Variants in POPDC1 observed in about 807,000 individuals in gnomAD.
POPDC1 encodes popeye domain-containing protein 1.
the POPDC1 span, among the ~76,000 whole-genome samples, chr6:105,103,882 G>T: frequency 6.6e-6 from 1 of 152,078 alleles, no homozygotes; most frequent in South Asian, 2.1e-4. Context: ...CAACACAAAT[G>T]GAAATGGTTA....
At chr6:105,116,993 A>T in the POPDC1 span, 1 of 971,046 alleles carries the variant, frequency 1.0e-6, no homozygotes, top group Non-Finnish European at 1.5e-6. Flanking sequence ...TCAAATTATA[A>T]AAAAAAGGAG....
chr6:105,099,379 A>G, the POPDC1 span: 1 of 152,238 alleles, frequency 6.6e-6, no homozygotes. Context: ...CCTCATGGTA[A>G]GAGTTGCTTC....
the POPDC1 span, among the ~76,000 whole-genome samples, chr6:105,112,452 A>T: frequency 6.7e-6 from 1 of 148,548 alleles, no homozygotes; most frequent in Non-Finnish European, 1.5e-5. Context: ...AGGTATATTT[A>T]ATTTGGTATG....
At chr6:105,107,594 C>T in the POPDC1 span, among the ~76,000 whole-genome samples, 1 of 152,308 alleles carries the variant, frequency 6.6e-6, no homozygotes, top group African/African-American at 2.4e-5. Flanking sequence ...AAAGGAGCAA[C>T]ATTTCTGTAA....
the POPDC1 span, among the ~76,000 whole-genome samples, chr6:105,106,119 C>T: frequency 6.6e-6 from 1 of 152,130 alleles, no homozygotes; most frequent in Non-Finnish European, 1.5e-5. Flanking sequence ...AATCACCTTC[C>T]ACCTACCAGT....
chr6:105,097,819 T>G, the POPDC1 span: 1 of 152,124 alleles, frequency 6.6e-6, no homozygotes, highest in Non-Finnish European at 1.5e-5. Flanking sequence ...TAGGGAGAAA[T>G]GGAGAAGATT....
At chr6:105,124,005 A>T in the POPDC1 span, among the ~76,000 whole-genome samples, 1 of 152,220 alleles carries the variant, frequency 6.6e-6, no homozygotes, top group East Asian at 1.9e-4. Flanking sequence ...AGCAAAAAAA[A>T]ATTCAAAAAG....
the POPDC1 span, chr6:105,125,560 G>A: frequency 6.2e-7 from 1 of 1,613,966 alleles, no homozygotes; most frequent in Non-Finnish European, 8.5e-7. Context: ...ATGCCACTGA[G>A]TTCCTTTTCA....
the POPDC1 span, among the ~76,000 whole-genome samples, chr6:105,133,981 C>T: frequency 2.6e-5 from 4 of 152,034 alleles, no homozygotes; most frequent in African/African-American, 9.7e-5. Context: ...TCTAGTCTTC[C>T]ATCAAATTCC....
chr6:105,117,158 G>A, the POPDC1 span, among the ~76,000 whole-genome samples: 1 of 152,138 alleles, frequency 6.6e-6, no homozygotes, highest in South Asian at 2.1e-4. Flanking sequence ...ACCGCTGCTG[G>A]AGCATGTATT....
chr6:105,124,586 T>C, the POPDC1 span: 5 of 1,612,752 alleles, frequency 3.1e-6, no homozygotes, highest in Non-Finnish European at 4.2e-6. Flanking sequence ...TTGATCTAAA[T>C]TCAGGAGAAT....
chr6:105,128,773 T>C, the POPDC1 span, among the ~76,000 whole-genome samples: 4 of 152,286 alleles, frequency 2.6e-5, no homozygotes, highest in Non-Finnish European at 2.9e-5. Context: ...TGAATGTTTG[T>C]TTGTGCTTAG....
At chr6:105,101,684 C>T in the POPDC1 span, among the ~76,000 whole-genome samples, 1 of 152,118 alleles carries the variant, frequency 6.6e-6, no homozygotes, top group Non-Finnish European at 1.5e-5. Flanking sequence ...TTGCCTCCAC[C>T]ATGGAGTCCA....
the POPDC1 span, among the ~76,000 whole-genome samples, chr6:105,110,545 C>T: frequency 6.6e-6 from 1 of 152,296 alleles, no homozygotes; most frequent in African/African-American, 2.4e-5. Flanking sequence ...CTTTTTGCGT[C>T]TTTCCAGGTA....
chr6:105,137,020 G>A, the POPDC1 span: 2 of 152,022 alleles, frequency 1.3e-5, no homozygotes, highest in Non-Finnish European at 2.9e-5. Flanking sequence ...AGTTCGGAGC[G>A]GCAGCTTCGG....
At chr6:105,117,453 G>C in the POPDC1 span, among the ~76,000 whole-genome samples, 1 of 152,192 alleles carries the variant, frequency 6.6e-6, no homozygotes, top group Admixed American at 6.5e-5. Context: ...GCCCATTAGA[G>C]ATATTCACAG....
the POPDC1 span, chr6:105,124,439 T>G: frequency 2.5e-6 from 2 of 796,748 alleles, no homozygotes; most frequent in Non-Finnish European, 4.2e-6. Flanking sequence ...CTATGGTAAC[T>G]TGTTTTTCCC....
the POPDC1 span, among the ~76,000 whole-genome samples, chr6:105,110,283 C>T: frequency 0.043 from 6,571 of 152,264 alleles, 472 homozygotes; most frequent in African/African-American, 0.15. Context: ...CATTGATCTC[C>T]CTAAACTACA....
At chr6:105,096,954 G>A in the POPDC1 span, 1 of 152,566 alleles carries the variant, frequency 6.6e-6, no homozygotes, top group East Asian at 1.9e-4. Context: ...TAAAATCAAA[G>A]AATGAGTTTC....
Sources: gnomAD v4.1 joint callset for allele counts (sites outside exome capture counted in the v4.1 genomes callset) on GRCh38, gnomAD v4.1.1 for gene constraint, MANE v1.5 for transcripts, NCBI Gene and HGNC (gene_info 2026-07-23, HGNC 2026-07-21) for gene names.